The following CLSTN2 variants were observed in gnomAD, a reference collection of about 807,000 sequenced individuals.
The protein encoded by CLSTN2 is calsyntenin-2.
CLSTN2 carries 48 observed loss-of-function variants against 101.2 expected under a neutral mutation model. That is an observed-to-expected ratio of 0.47 (90% CI 0.38 to 0.60). The LOEUF is 0.60. CLSTN2 is among the 20% of genes least tolerant of loss of function. The probability of loss-of-function intolerance (pLI) is 0.00; values close to 1 mark genes in which losing one functional copy is unlikely to be tolerated. For synonymous variants in CLSTN2, 481 were observed against 463.6 expected, an observed-to-expected ratio of 1.04 and a Z score of -0.48; for missense variants, 1,160 against 1,238.2, an observed-to-expected ratio of 0.94 and a Z score of 0.95.
intron 2 of CLSTN2, among the ~76,000 whole-genome samples, chr3:140,269,894 A>G (rs1018808010): frequency 2.0e-5 from 3 of 152,186 alleles, no homozygotes; most frequent in African/African-American, 7.2e-5. Flanking sequence ...GAAAATGACA[A>G]TCATAACTAC....
chr3:140,514,280 C>G (rs1285446076), intron 8 of CLSTN2, among the ~76,000 whole-genome samples: 3 of 151,958 alleles, frequency 2.0e-5, no homozygotes, highest in Non-Finnish European at 4.4e-5. Flanking sequence ...CTCTTTTATC[C>G]CTCACACCCC....
intron 1 of CLSTN2, among the ~76,000 whole-genome samples, chr3:139,987,594 A>G (rs2107826640): frequency 6.6e-6 from 1 of 152,344 alleles, no homozygotes; most frequent in Admixed American, 6.5e-5. Context: ...ATATTAAATA[A>G]AAAAGTAAGA....
intron 2 of CLSTN2, among the ~76,000 whole-genome samples, chr3:140,285,135 G>A (rs1479866): frequency 0.88 from 133,834 of 152,154 alleles, 60,210 homozygotes; most frequent in Non-Finnish European, 0.97. Context: ...ATTCTGTCCA[G>A]TAGAACTTTC....
At chr3:140,260,920 G>C (rs2086645454) in intron 2 of CLSTN2, among the ~76,000 whole-genome samples, 1 of 152,092 alleles carries the variant, frequency 6.6e-6, no homozygotes, top group Non-Finnish European at 1.5e-5. Context: ...TTTTCTCATG[G>C]TAAAAACTGG....
intron 1 of CLSTN2, among the ~76,000 whole-genome samples, chr3:140,069,304 A>C (rs16849801): frequency 0.24 from 35,899 of 152,006 alleles, 4,741 homozygotes; most frequent in East Asian, 0.45. Flanking sequence ...TACTAAGTGC[A>C]CCATGTTAAC....
At chr3:140,112,520 C>T (rs766383361) in intron 1 of CLSTN2, among the ~76,000 whole-genome samples, 34 of 152,108 alleles carry the variant, frequency 2.2e-4, no homozygotes, top group African/African-American at 8.0e-4. Context: ...TGCAGACAGC[C>T]GTGCACCTGG....
At chr3:140,099,001 T>TG (rs1233931363) in intron 1 of CLSTN2, among the ~76,000 whole-genome samples, 1 of 152,142 alleles carries the variant, frequency 6.6e-6, no homozygotes, top group African/African-American at 2.4e-5. Context: ...GAGGCATGGA[T>TG]GGAGGTGGAG....
intron 1 of CLSTN2, among the ~76,000 whole-genome samples, chr3:140,123,844 G>A (rs2009385749): frequency 1.3e-5 from 1 of 74,568 alleles, no homozygotes; most frequent in African/African-American, 5.4e-5. Flanking sequence ...ATGTATATGT[G>A]TGTGTGTATA....
chr3:139,968,415 C>A (rs534847839), intron 1 of CLSTN2, among the ~76,000 whole-genome samples: 3 of 152,294 alleles, frequency 2.0e-5, no homozygotes, highest in African/African-American at 7.2e-5. Flanking sequence ...CAGAGGTGAA[C>A]CCCTCATGAG....
intron 5 of CLSTN2, among the ~76,000 whole-genome samples, chr3:140,434,590 C>A (rs1477022485): frequency 6.6e-6 from 1 of 152,156 alleles, no homozygotes; most frequent in Non-Finnish European, 1.5e-5. Context: ...GAAGGTGGCA[C>A]CTCGGCTGAA....
In CLSTN2 at chr3:140,574,382, T is replaced by G. The variant is rs1428957145; in HGVS notation, c.*8129T>G. 6.6e-6 allele frequency: 1 copy of G among 151,984 alleles called. No individual in the cohort carries two copies. The highest frequency in any genetic ancestry group is 2.4e-5 in the African/African-American group (1 of 41,338). The allele number at this position is 151,984 out of a possible 1,614,324, so 9.4% of individuals were successfully genotyped here. On this transcript the variant is annotated 3_prime_UTR_variant, in exon 17 of 17. Coordinates refer to ENST00000458420, the MANE Select transcript of CLSTN2 (RefSeq NM_022131.3). Reference sequence around the variant, plus strand: ...GGAGCCCCTAAGCAAGGAGCAGGGGTAGATGTGCCTGGGTGAGGCCTGCTT... The same window carrying G: ...GGAGCCCCTAAGCAAGGAGCAGGGGGAGATGTGCCTGGGTGAGGCCTGCTT...
intron 1 of CLSTN2, among the ~76,000 whole-genome samples, chr3:140,085,151 A>G (rs1016251009): frequency 1.3e-5 from 2 of 152,192 alleles, no homozygotes; most frequent in African/African-American, 4.8e-5. Flanking sequence ...CATGTTATGC[A>G]TTATTCATCC....
chr3:140,214,629 A>G (rs2010899343), intron 2 of CLSTN2, among the ~76,000 whole-genome samples: 1 of 152,164 alleles, frequency 6.6e-6, no homozygotes, highest in Admixed American at 6.5e-5. Flanking sequence ...CATCTTCACT[A>G]CTTGCAGACT....
intron 1 of CLSTN2, among the ~76,000 whole-genome samples, chr3:140,002,844 G>GGGGGAAAA (rs2006871803): frequency 6.6e-6 from 1 of 152,076 alleles, no homozygotes; most frequent in Non-Finnish European, 1.5e-5. Context: ...GTATGTTCTT[G>GGGGGAAAA]TCACTTTTAT....
chr3:140,399,412 C>G (rs1315988221), intron 2 of CLSTN2, among the ~76,000 whole-genome samples: 1 of 152,132 alleles, frequency 6.6e-6, no homozygotes, highest in East Asian at 1.9e-4. Flanking sequence ...TGTCCTGGGA[C>G]CTTTCTTCCA....
intron 1 of CLSTN2, among the ~76,000 whole-genome samples, chr3:140,097,113 A>G (rs962060622): frequency 2.6e-5 from 4 of 152,192 alleles, no homozygotes; most frequent in Admixed American, 6.5e-5. Context: ...ATTTTGTCAA[A>G]TGAGTGGACA....
intron 2 of CLSTN2, among the ~76,000 whole-genome samples, chr3:140,208,831 G>A (rs562237646): frequency 1.3e-5 from 2 of 152,168 alleles, no homozygotes; most frequent in Non-Finnish European, 2.9e-5. Flanking sequence ...TACTCAGGGG[G>A]TAGTTGGGAG....
chr3:140,365,351 C>T (rs931977313), intron 2 of CLSTN2, among the ~76,000 whole-genome samples: 5 of 151,978 alleles, frequency 3.3e-5, no homozygotes, highest in African/African-American at 9.7e-5. Flanking sequence ...AGGTGGCGTG[C>T]TAGGAGAAGA....
intron 1 of CLSTN2, among the ~76,000 whole-genome samples, chr3:140,098,443 T>G (rs2008907599): frequency 6.6e-6 from 1 of 152,222 alleles, no homozygotes; most frequent in Non-Finnish European, 1.5e-5. Flanking sequence ...AAAGCTGATT[T>G]CTCACCAGCT....
Sources: allele counts gnomAD v4.1 joint callset (sites outside exome capture counted in the v4.1 genomes callset), GRCh38; gene constraint gnomAD v4.1.1; transcripts MANE v1.5; gene names NCBI Gene and HGNC (gene_info 2026-07-23, HGNC 2026-07-21).